Variants in CCAR1 observed in about 807,000 individuals in gnomAD.
The protein encoded by CCAR1 is cell division cycle and apoptosis regulator 1.
A neutral mutation model predicts 163.8 loss-of-function variants in CCAR1; 78 were observed. That is an observed-to-expected ratio of 0.48 (90% confidence interval 0.40 to 0.57). The LOEUF is 0.57. Among genes scored for constraint, CCAR1 ranks in the 20% least tolerant of loss-of-function variants. The pLI is 0.00. For missense variants in CCAR1, 1,019 were observed against 1,365.2 expected, an observed-to-expected ratio of 0.75 and a Z score of 4.00; for synonymous variants, 443 against 460.7, an observed-to-expected ratio of 0.96 and a Z score of 0.49.
chr10:68,747,014 C>T (rs180694101), intron 6 of CCAR1, 147 bp from the exon 7 acceptor site: 2 of 524,744 alleles, frequency 3.8e-6, no homozygotes, highest in African/African-American at 4.0e-5. Flanking sequence ...AAAGAGCTTT[C>T]CAGGCTTCCA....
rs185795494 is a variant in CCAR1 at position 68,771,707 on chromosome 10, T to C, written c.2538+262T>C. ...CAGAGGCAGGAGAATTGCTTAAACC[T>C]GGGAGGTGGAGGTTGCAGTGAGCCA... On this transcript the variant is annotated intron_variant, in intron 18 of 24. Coordinates refer to ENST00000265872, the MANE Select transcript of CCAR1 (RefSeq NM_018237.4). 2.5e-3 allele frequency among the ~76,000 whole-genome samples: 372 copies of C among 151,782 alleles called. 2 individuals carry two copies. The highest frequency in any genetic ancestry group is 8.7e-3 in the African/African-American group (362 of 41,434).
rs2056316856 is a variant in CCAR1 at position 68,750,433 on chromosome 10, C to G, written c.1118+748C>G. 2.6e-5 allele frequency among the ~76,000 whole-genome samples: 4 copies of G among 151,854 alleles called. No individual in the cohort carries two copies. In the South Asian group the frequency reaches 8.3e-4, roughly 32 times the overall value. ...GACGGGGTTTCACCATGTTGTTGGC[C>G]AGGTTTGTTTCGAACTCCTAACCTC... On this transcript the variant is annotated intron_variant, in intron 10 of 24. Coordinates refer to ENST00000265872, the MANE Select transcript of CCAR1 (RefSeq NM_018237.4).
At chr10:68,758,745 C>T (rs996523497) in intron 15 of CCAR1, among the ~76,000 whole-genome samples, 8 of 151,040 alleles carry the variant, frequency 5.3e-5, no homozygotes, top group South Asian at 2.1e-4. Flanking sequence ...TGCAGTGGCA[C>T]GATCTTAACC....
intron 18 of CCAR1, among the ~76,000 whole-genome samples, chr10:68,772,265 T>G (rs1190180957): frequency 6.6e-6 from 1 of 152,088 alleles, no homozygotes; most frequent in African/African-American, 2.4e-5. Context: ...GACAGATTGC[T>G]TGACTCCAGT....
intron 6 of CCAR1, among the ~76,000 whole-genome samples, chr10:68,743,200 CTTT>C (rs567782298): frequency 0.015 from 2,048 of 132,756 alleles, 49 homozygotes; most frequent in African/African-American, 0.053. Flanking sequence ...TTTTCTTTTT[CTTT>C]TTTTTTTTTT....
intron 19 of CCAR1, among the ~76,000 whole-genome samples, chr10:68,775,496 T>C (rs2056652788): frequency 1.6e-5 from 1 of 61,512 alleles, no homozygotes; most frequent in South Asian, 6.4e-4. Context: ...AGCCTCATTT[T>C]CTTTTTTTTT....
intron 10 of CCAR1, among the ~76,000 whole-genome samples, chr10:68,751,950 T>C (rs1437264534): frequency 6.9e-6 from 1 of 145,480 alleles, no homozygotes; most frequent in Non-Finnish European, 1.5e-5. Flanking sequence ...GGAGTCTTGC[T>C]CTGTCGCCCA....
intron 18 of CCAR1, among the ~76,000 whole-genome samples, chr10:68,771,816 T>C (rs1383991656): frequency 6.6e-6 from 1 of 152,074 alleles, no homozygotes; most frequent in Non-Finnish European, 1.5e-5. Flanking sequence ...ATCTTCAAAT[T>C]AAGCCAATAT....
At chr10:68,757,770 A>G (rs1020875567) in intron 15 of CCAR1, among the ~76,000 whole-genome samples, 1 of 151,734 alleles carries the variant, frequency 6.6e-6, no homozygotes, top group Admixed American at 6.6e-5. Context: ...CAGTACAGCC[A>G]ATATCTGTTG....
intron 17 of CCAR1, among the ~76,000 whole-genome samples, chr10:68,770,752 A>T (rs542918924): frequency 3.9e-4 from 60 of 152,176 alleles, no homozygotes; most frequent in Non-Finnish European, 7.1e-4. Flanking sequence ...AGAAAAAAAT[A>T]AAAATAAAAA....
chr10:68,758,338 A>T (rs12765574), intron 15 of CCAR1, among the ~76,000 whole-genome samples: 3,805 of 152,162 alleles, frequency 0.025, 84 homozygotes, highest in Non-Finnish European at 0.041. Context: ...TACAGGCGTG[A>T]GCTACTGCGC....
In CCAR1 at chr10:68,765,967, T is replaced by C; in HGVS notation, c.2186T>C (p.Ile729Thr). The C allele has an allele frequency of 6.2e-7, 1 of 1,614,018 alleles. No homozygotes were observed. Among genetic ancestry groups the C allele is most frequent in the Non-Finnish European group, 8.5e-7 (1 of 1,179,880 alleles). The change falls in exon 17 of 25, where the codon ATC (isoleucine) becomes ACC (threonine). Residue 729 changes from isoleucine to threonine, a missense_variant. By Grantham distance (89) the Ile-to-Thr change is moderately conservative. Transcript: ENST00000265872. ...TATATTTTGCCTGATGAACCGGCCA[T>C]CATTGTACATCCAAATTGGGCTGCA... ...RRYILPDEPA[I>T]IVHPNWAAKS... is the part of the protein sequence containing the mutation.
intron 13 of CCAR1, 73 bp downstream of exon 13, chr10:68,755,609 T>G: frequency 7.7e-7 from 1 of 1,297,848 alleles, no homozygotes. Context: ...TCGATCAGCC[T>G]TTTCCCCCCG....
rs200478008 is a variant in CCAR1, at chr10:68,755,584, A to G, written c.1625+48A>G. 2.6e-6 allele frequency: 4 copies of G among 1,510,546 alleles called. No individual in the cohort carries two copies. The East Asian group carries it at 9.1e-5, about 34-fold the overall frequency. 93.6% of individuals were successfully genotyped at this position (1,510,546 alleles called of 1,614,324 possible). Reference sequence around the variant, plus strand: ...ATTAGAAGTGTTTTACTGATAGTTTATGTAGTTGTTCTTATCGATCAGCCT... The same window carrying G: ...ATTAGAAGTGTTTTACTGATAGTTTGTGTAGTTGTTCTTATCGATCAGCCT... On this transcript the variant is annotated intron_variant, in intron 13 of 24. Transcript: ENST00000265872.
intron 19 of CCAR1, chr10:68,774,974 T>G: frequency 2.6e-6 from 1 of 391,522 alleles, no homozygotes. Flanking sequence ...GCAATTACTT[T>G]TATTTACGGT....
At chr10:68,769,758 G>A (rs4746785) in intron 17 of CCAR1, among the ~76,000 whole-genome samples, 2,509 of 150,866 alleles carry the variant, frequency 0.017, 32 homozygotes, top group South Asian at 0.059. Context: ...TGGCTAACAC[G>A]GTGAAACCTC....
intron 19 of CCAR1, 134 bp downstream of exon 19, chr10:68,773,233 GAA>G: frequency 6.3e-6 from 3 of 476,832 alleles, no homozygotes; most frequent in Non-Finnish European, 3.8e-6. Flanking sequence ...TCTTCAGTGA[GAA>G]AGTTTTTCTG....
intron 8 of CCAR1, among the ~76,000 whole-genome samples, chr10:68,748,026 G>T (rs182514697): frequency 5.3e-5 from 8 of 151,988 alleles, no homozygotes; most frequent in African/African-American, 1.9e-4. Flanking sequence ...GCAAATTTTT[G>T]TATTTTTAGT....
chr10:68,785,107 C>T (rs1345354633), intron 19 of CCAR1, among the ~76,000 whole-genome samples: 7 of 151,768 alleles, frequency 4.6e-5, no homozygotes, highest in African/African-American at 1.4e-4. Context: ...TTAGTAGAGA[C>T]GGGATTTCAC....
Sources: gnomAD v4.1 joint callset for allele counts (sites outside exome capture counted in the v4.1 genomes callset) on GRCh38, gnomAD v4.1.1 for gene constraint, MANE v1.5 for transcripts, NCBI Gene and HGNC (gene_info 2026-07-23, HGNC 2026-07-21) for gene names.